ZNF654: variants seen among roughly 807,000 people sequenced by gnomAD.
ZNF654 encodes melanoma-associated antigen.
A neutral mutation model predicts 95.3 loss-of-function variants in ZNF654; 19 were observed. The observed-to-expected ratio is 0.20, with a 90% CI of 0.14 to 0.29. The LOEUF is 0.29. ZNF654 is among the 10% of genes least tolerant of loss of function. ZNF654 has a pLI of 1.00. For missense variants in ZNF654, 1,046 were observed against 1,341.0 expected (o/e 0.78, Z 3.44); for synonymous variants, 413 against 457.9 (o/e 0.90, Z 1.25).
intron 1 of ZNF654, among the ~76,000 whole-genome samples, chr3:88,064,877 G>C (rs1237920677): frequency 6.6e-6 from 1 of 152,144 alleles, no homozygotes; most frequent in Admixed American, 6.5e-5. Context: ...ATAATAATAT[G>C]AAAGATGAAA....
At chr3:88,141,222 T>C (rs1407029929) in intron 8 of ZNF654, 174 bp downstream of exon 8, 5 of 751,508 alleles carry the variant, frequency 6.7e-6, no homozygotes, top group Non-Finnish European at 8.1e-6. Context: ...GTGATACTAA[T>C]ATTCCTGTTT....
intron 1 of ZNF654, among the ~76,000 whole-genome samples, chr3:88,063,697 G>A (rs1486139197): frequency 2.0e-5 from 3 of 152,102 alleles, no homozygotes; most frequent in African/African-American, 7.2e-5. Context: ...GCATTTTGGT[G>A]CTAATGGAGA....
At chr3:88,075,842 G>A (rs1707772063) in intron 1 of ZNF654, among the ~76,000 whole-genome samples, 1 of 152,018 alleles carries the variant, frequency 6.6e-6, no homozygotes, top group African/African-American at 2.4e-5. Context: ...GGAGTTCCAA[G>A]TGCATCAAAA....
rs954324406 is a variant in ZNF654 at position 88,143,434 on chromosome 3, T to C, written c.*1782T>C. 1.6e-4 allele frequency: 25 copies of C among 152,318 alleles called. No homozygotes were observed. Among genetic ancestry groups the C allele is most frequent in the Admixed American group, 1.4e-3 (21 of 15,250 alleles). The allele number at this position is 152,318 out of a possible 1,614,324, so 9.4% of individuals were successfully genotyped here. ...AAAAAATGTTTCCTGTATTTCTTGA[T>C]ACTAAAAATGTAATGATTTTTATTT... On this transcript the variant is annotated 3_prime_UTR_variant, in exon 9 of 9. Transcript: ENST00000636215.
At chr3:88,131,224 T>C (rs12487020) in intron 6 of ZNF654, among the ~76,000 whole-genome samples, 8,493 of 152,248 alleles carry the variant, frequency 0.056, 260 homozygotes, top group Admixed American at 0.078. Flanking sequence ...TATCTAAATA[T>C]AGAAAAAGTA....
intron 1 of ZNF654, among the ~76,000 whole-genome samples, chr3:88,065,053 G>T (rs922208375): frequency 2.6e-5 from 4 of 152,104 alleles, no homozygotes; most frequent in African/African-American, 9.7e-5. Context: ...TAATTGCATT[G>T]ATAAATTTAA....
intron 2 of ZNF654, among the ~76,000 whole-genome samples, chr3:88,091,666 A>G (rs1444068755): frequency 3.3e-5 from 5 of 152,122 alleles, no homozygotes; most frequent in Non-Finnish European, 7.4e-5. Context: ...AAGGGACCCA[A>G]TGGGAGGTAA....
chr3:88,086,152 T>G, intron 1 of ZNF654, 105 bp from the exon 2 acceptor site: 1 of 1,031,856 alleles, frequency 9.7e-7, no homozygotes, highest in South Asian at 1.6e-5. Flanking sequence ...CCTGTGTTCA[T>G]GCCGATCTAA....
Position 88,140,036 on chromosome 3 carries a change from C to T in ZNF654, c.2367C>T (p.Cys789=), listed in dbSNP as rs1248690809. The T allele has an allele frequency of 3.7e-6, 6 of 1,613,696 alleles. No homozygotes were observed. The highest frequency in any genetic ancestry group is 2.2e-5 in the East Asian group (1 of 44,882). The part of the protein sequence containing the change: ...QTVMKWSKGK[C]KFCQRQFEDS... ...TAATGAAGTGGAGCAAAGGAAAATGCAAATTTTGTCAAAGGCAATTTGAAG... is the reference window on the plus strand; with the variant it reads ...TAATGAAGTGGAGCAAAGGAAAATGTAAATTTTGTCAAAGGCAATTTGAAG... The change falls in exon 8 of 9, where the codon TGC becomes TGT. Residue 789 remains cysteine, a synonymous_variant. Transcript: ENST00000636215.
intron 3 of ZNF654, among the ~76,000 whole-genome samples, chr3:88,123,116 T>C (rs1490633467): frequency 6.6e-6 from 1 of 152,176 alleles, no homozygotes; most frequent in Non-Finnish European, 1.5e-5. Context: ...TGCTTCCTTA[T>C]TCACTTCGAG....
chr3:88,140,603 T>C lies in ZNF654; in HGVS notation c.2934T>C (p.Asn978=). 1 of 1,613,736 alleles carries C rather than the reference T, an allele frequency of 6.2e-7. No individual in the cohort carries two copies. The highest frequency in any genetic ancestry group is 8.5e-7 in the Non-Finnish European group (1 of 1,179,736). The change falls in exon 8 of 9, where the codon AAT becomes AAC. Residue 978 remains asparagine (N), a synonymous_variant. Transcript: ENST00000636215. ...ATTGTAGTAGTAGTGATATAGTCAA[T>C]GGACACAGTGAAATAGAGCAAACAC... ...ENNCSSSDIV[N]GHSEIEQTPL... is the part of the protein sequence containing the mutation.
chr3:88,105,178 T>C (rs539134924), intron 2 of ZNF654, among the ~76,000 whole-genome samples: 211 of 152,278 alleles, frequency 1.4e-3, no homozygotes, highest in African/African-American at 4.9e-3. Flanking sequence ...AAATGGTCTA[T>C]GCCTATTAAA....
intron 1 of ZNF654, among the ~76,000 whole-genome samples, chr3:88,080,371 A>C (rs1576223767): frequency 6.6e-6 from 1 of 152,084 alleles, no homozygotes; most frequent in African/African-American, 2.4e-5. Context: ...TGCACTAGTA[A>C]TGGTGCACTT....
At chr3:88,082,187 T>G (rs894389844) in intron 1 of ZNF654, among the ~76,000 whole-genome samples, 9 of 151,432 alleles carry the variant, frequency 5.9e-5, no homozygotes, top group African/African-American at 1.9e-4. Flanking sequence ...AGTGCAGTGG[T>G]GCAATCTTGG....
chr3:88,116,579 T>G (rs200338783), intron 3 of ZNF654, among the ~76,000 whole-genome samples: 2 of 45,334 alleles, frequency 4.4e-5, no homozygotes, highest in African/African-American at 5.9e-5. Flanking sequence ...CACACACACA[T>G]GCACATATAT....
At chr3:88,097,597 G>A (rs1056219501) in intron 2 of ZNF654, among the ~76,000 whole-genome samples, 3 of 152,052 alleles carry the variant, frequency 2.0e-5, no homozygotes, top group African/African-American at 7.2e-5. Context: ...ACACTCCTCA[G>A]CAAATGTAAA....
chr3:88,129,320 G>GGA (rs1706300538), intron 5 of ZNF654, among the ~76,000 whole-genome samples: 2 of 50,584 alleles, frequency 4.0e-5, no homozygotes, highest in Admixed American at 2.7e-4. Context: ...CTTGCCAGGA[G>GGA]TAAAAAAAAA....
At chr3:88,067,835 A>G (rs578176279) in intron 1 of ZNF654, among the ~76,000 whole-genome samples, 11 of 151,894 alleles carry the variant, frequency 7.2e-5, no homozygotes, top group Non-Finnish European at 1.2e-4. Flanking sequence ...AAGGAAAGAT[A>G]TGGTGGTAAC....
intron 2 of ZNF654, among the ~76,000 whole-genome samples, chr3:88,097,999 A>C (rs1395416529): frequency 1.3e-5 from 2 of 152,216 alleles, no homozygotes; most frequent in Admixed American, 1.3e-4. Flanking sequence ...GAACTGAAGG[A>C]GATAGAGACA....
Sources: allele counts gnomAD v4.1 joint callset (sites outside exome capture counted in the v4.1 genomes callset), GRCh38; gene constraint gnomAD v4.1.1; transcripts MANE v1.5; gene names NCBI Gene and HGNC (gene_info 2026-07-23, HGNC 2026-07-21).